The following KCNH5 variants were observed in gnomAD, a reference collection of about 807,000 sequenced individuals.
The protein encoded by KCNH5 is voltage-gated delayed rectifier potassium channel KCNH5.
Under a neutral mutation model 96.1 loss-of-function variants are expected in KCNH5, and 46 were observed. The observed-to-expected ratio is 0.48, with a 90% confidence interval of 0.38 to 0.61. KCNH5 has a LOEUF of 0.61. Among genes scored for constraint, KCNH5 ranks in the 20% least tolerant of loss-of-function variants. KCNH5 has a pLI of 0.00. For synonymous variants in KCNH5, 439 were observed against 449.8 expected, an observed-to-expected ratio of 0.98 and a Z score of 0.30; for missense variants, 907 against 1,225.8, an observed-to-expected ratio of 0.74 and a Z score of 3.88.
intron 7 of KCNH5, among the ~76,000 whole-genome samples, chr14:62,932,691 C>T (rs1163664349): frequency 6.6e-6 from 1 of 151,998 alleles, no homozygotes; most frequent in African/African-American, 2.4e-5. Flanking sequence ...ATAGTAACCT[C>T]ACAATACTGG....
intron 8 of KCNH5, among the ~76,000 whole-genome samples, chr14:62,834,207 A>G (rs1027461011): frequency 2.0e-5 from 3 of 151,982 alleles, no homozygotes; most frequent in Admixed American, 6.6e-5. Context: ...TAAGTGTACA[A>G]GTACCTCAAA....
chr14:62,878,684 G>A (rs1460517815), intron 7 of KCNH5, among the ~76,000 whole-genome samples: 5 of 152,110 alleles, frequency 3.3e-5, no homozygotes, highest in Admixed American at 6.6e-5. Flanking sequence ...ATTTTCTAGA[G>A]CTGCTGTAAC....
At chr14:62,975,537 A>G (rs1890484094) in intron 6 of KCNH5, among the ~76,000 whole-genome samples, 2 of 152,114 alleles carry the variant, frequency 1.3e-5, no homozygotes, top group South Asian at 2.1e-4. Flanking sequence ...AAAATAAAAG[A>G]CAATAATAAT....
intron 1 of KCNH5, among the ~76,000 whole-genome samples, chr14:63,044,314 A>G (rs1379455337): frequency 6.6e-6 from 1 of 152,246 alleles, no homozygotes; most frequent in Non-Finnish European, 1.5e-5. Context: ...AATATCTTGT[A>G]GGAAATGAAT....
chr14:62,943,380 T>A (rs1272853086), intron 7 of KCNH5, among the ~76,000 whole-genome samples: 1 of 152,156 alleles, frequency 6.6e-6, no homozygotes, highest in East Asian at 1.9e-4. Flanking sequence ...AAATAAATCA[T>A]CCACGTACTA....
chr14:63,026,447 T>A (rs551217924), intron 1 of KCNH5, among the ~76,000 whole-genome samples: 2 of 151,844 alleles, frequency 1.3e-5, no homozygotes, highest in African/African-American at 4.8e-5. Flanking sequence ...ATAAAATATA[T>A]CTACAAACCA....
intron 10 of KCNH5, among the ~76,000 whole-genome samples, chr14:62,752,261 C>T (rs1885517523): frequency 6.6e-6 from 1 of 152,010 alleles, no homozygotes; most frequent in Non-Finnish European, 1.5e-5. Flanking sequence ...CACTGTACAA[C>T]ACAGAGACAA....
chr14:62,840,005 ATGTTTATC>A (rs1483596510), intron 8 of KCNH5, among the ~76,000 whole-genome samples: 1 of 152,156 alleles, frequency 6.6e-6, no homozygotes, highest in Admixed American at 6.5e-5. Context: ...ATAAAATCAT[ATGTTTATC>A]AGGGTAACTA....
chr14:63,020,118 A>G (rs191611572), intron 1 of KCNH5, among the ~76,000 whole-genome samples: 11 of 152,278 alleles, frequency 7.2e-5, no homozygotes, highest in Admixed American at 1.3e-4. Flanking sequence ...TGAAAGCACA[A>G]CGATATACTG....
intron 7 of KCNH5, among the ~76,000 whole-genome samples, chr14:62,861,012 C>T (rs996245734): frequency 5.1e-4 from 77 of 152,288 alleles, no homozygotes; most frequent in African/African-American, 1.8e-3. Flanking sequence ...CAGAGGTTCC[C>T]AGAAGGAAAA....
chr14:63,019,169 A>C (rs1051171979), intron 1 of KCNH5, among the ~76,000 whole-genome samples: 5 of 152,042 alleles, frequency 3.3e-5, no homozygotes, highest in Admixed American at 2.6e-4. Context: ...AGATAGAATG[A>C]AAACTAGCAA....
At chr14:63,028,825 T>C (rs556425329) in intron 1 of KCNH5, among the ~76,000 whole-genome samples, 22 of 152,272 alleles carry the variant, frequency 1.4e-4, no homozygotes, top group African/African-American at 4.8e-4. Context: ...ACCAATAATA[T>C]AGAATATGGA....
intron 6 of KCNH5, among the ~76,000 whole-genome samples, 172 bp from the exon 7 acceptor site, chr14:62,950,731 TA>T (rs1889988610): frequency 1.3e-5 from 2 of 152,166 alleles, no homozygotes; most frequent in South Asian, 4.1e-4. Flanking sequence ...TGATAAACTT[TA>T]AAAAAATAGA....
intron 7 of KCNH5, among the ~76,000 whole-genome samples, chr14:62,947,522 A>G (rs1330364925): frequency 1.3e-5 from 2 of 152,170 alleles, no homozygotes; most frequent in Non-Finnish European, 2.9e-5. Flanking sequence ...TCATTAGACA[A>G]ACAGAAGCTG....
intron 1 of KCNH5, among the ~76,000 whole-genome samples, chr14:63,017,542 G>A (rs768426844): frequency 2.6e-5 from 4 of 151,542 alleles, no homozygotes; most frequent in East Asian, 1.9e-4. Flanking sequence ...GAAACTATCA[G>A]TATTCCAAAT....
intron 10 of KCNH5, among the ~76,000 whole-genome samples, chr14:62,762,702 T>A: frequency 6.7e-6 from 1 of 148,540 alleles, no homozygotes; most frequent in African/African-American, 2.5e-5. Flanking sequence ...AACAAGCAAA[T>A]GGAAAACAAA....
At chr14:62,884,455 G>A (rs756194922) in intron 7 of KCNH5, among the ~76,000 whole-genome samples, 4 of 152,172 alleles carry the variant, frequency 2.6e-5, no homozygotes, top group Non-Finnish European at 5.9e-5. Flanking sequence ...GTGAAACGCT[G>A]TCTCTACTAA....
At chr14:62,721,635 C>T (rs1325129437) in intron 10 of KCNH5, among the ~76,000 whole-genome samples, 1 of 151,958 alleles carries the variant, frequency 6.6e-6, no homozygotes, top group Admixed American at 6.6e-5. Flanking sequence ...TTTTTTAATA[C>T]AATGGATTTT....
chr14:62,750,228 T>C (rs1885468149), intron 10 of KCNH5, among the ~76,000 whole-genome samples: 1 of 152,202 alleles, frequency 6.6e-6, no homozygotes, highest in Non-Finnish European at 1.5e-5. Flanking sequence ...CTTTACTGTT[T>C]TAAGTAAGCC....
Sources: allele counts gnomAD v4.1 joint callset (sites outside exome capture counted in the v4.1 genomes callset), GRCh38; gene constraint gnomAD v4.1.1; transcripts MANE v1.5; gene names NCBI Gene and HGNC (gene_info 2026-07-23, HGNC 2026-07-21).